Variants in DOCK8 observed in about 807,000 individuals in gnomAD.
The protein encoded by DOCK8 is dedicator of cytokinesis protein 8.
A neutral mutation model predicts 245.6 loss-of-function variants in DOCK8; 141 were observed. The observed-to-expected ratio is 0.57, with a 90% CI of 0.50 to 0.66. The LOEUF (loss-of-function observed/expected upper bound fraction) is 0.66. Ranked by LOEUF, DOCK8 falls within the 30% of genes least tolerant of loss-of-function variation. DOCK8 has a pLI of 0.00. For missense variants in DOCK8, 2,965 were observed against 2,603.4 expected, an observed-to-expected ratio of 1.14 and a Z score of -3.02; for synonymous variants, 1,168 against 970.2, an observed-to-expected ratio of 1.20 and a Z score of -3.79.
At chr9:445,176 C>G (rs1284673031) in intron 43 of DOCK8, among the ~76,000 whole-genome samples, 4 of 152,184 alleles carry the variant, frequency 2.6e-5, no homozygotes, top group Admixed American at 6.5e-5. Context: ...TGGCCGTGTG[C>G]CCACAGTGAT....
chr9:333,369 A>G (rs2051124221), intron 10 of DOCK8, among the ~76,000 whole-genome samples: 1 of 152,242 alleles, frequency 6.6e-6, no homozygotes. Context: ...TGGGAGGCCA[A>G]GGCGGGCAGA....
chr9:347,338 TACA>T (rs527615164), intron 14 of DOCK8, among the ~76,000 whole-genome samples: 2 of 151,928 alleles, frequency 1.3e-5, no homozygotes, highest in South Asian at 2.1e-4. Context: ...ACCCTGTCTC[TACA>T]ACAACAACAA....
At chr9:451,940 T>TGC in intron 45 of DOCK8, 71 bp from the exon 46 acceptor site, 5 of 326,606 alleles carry the variant, frequency 1.5e-5, no homozygotes, top group Non-Finnish European at 2.6e-5. Context: ...TGTGTATATA[T>TGC]ATATGTGTGT....
chr9:219,120 A>G (rs926806835), intron 1 of DOCK8, among the ~76,000 whole-genome samples: 8 of 152,210 alleles, frequency 5.3e-5, no homozygotes, highest in African/African-American at 1.9e-4. Flanking sequence ...ATTATTTACT[A>G]TGTGCTACAT....
At chr9:279,190 C>G (rs1007855411) in intron 2 of DOCK8, among the ~76,000 whole-genome samples, 1 of 152,094 alleles carries the variant, frequency 6.6e-6, no homozygotes, top group African/African-American at 2.4e-5. Context: ...TTGCCACTTG[C>G]AGAAGTGTGG....
intron 24 of DOCK8, among the ~76,000 whole-genome samples, chr9:396,235 G>T (rs2054448591): frequency 1.3e-5 from 2 of 152,126 alleles, no homozygotes; most frequent in South Asian, 4.1e-4. Flanking sequence ...AAATTTATAG[G>T]AGCAGAAGAT....
chr9:220,950 A>C (rs144786178), intron 1 of DOCK8: 2 of 204,088 alleles, frequency 9.8e-6, no homozygotes, highest in Non-Finnish European at 2.1e-5. Context: ...AGTCTTACCC[A>C]GTCAGCAGCA....
intron 1 of DOCK8, among the ~76,000 whole-genome samples, chr9:227,785 G>A (rs922148088): frequency 9.9e-5 from 15 of 152,136 alleles, no homozygotes; most frequent in Admixed American, 6.5e-5. Context: ...TGAATGGAAA[G>A]TATAAGGGGA....
At position 357,425 on chromosome 9, in the gene DOCK8, G is replaced by T. The variant is rs141185352; in HGVS notation, c.1680-10593G>T. Among the ~76,000 whole-genome samples the T allele has an allele frequency of 7.8e-4, 119 of 152,270 alleles. 1 individual carries two copies. Among genetic ancestry groups the T allele is most frequent in the African/African-American group, 2.7e-3 (114 of 41,558 alleles). ...AATCTTTAAAAGTGGTACCATAAGAGACATTAAGACTGGCTATTGTTTTAT... is the reference window on the plus strand; with the variant it reads ...AATCTTTAAAAGTGGTACCATAAGATACATTAAGACTGGCTATTGTTTTAT... On this transcript the variant is annotated intron_variant, in intron 14 of 47. Coordinates refer to ENST00000432829, the MANE Select transcript of DOCK8 (RefSeq NM_203447.4).
intron 14 of DOCK8, among the ~76,000 whole-genome samples, chr9:346,111 G>A (rs566211626): frequency 2.6e-5 from 4 of 151,992 alleles, no homozygotes; most frequent in South Asian, 2.1e-4. Context: ...AGGACACTCT[G>A]AGAAATCACA....
chr9:337,320 G>C (rs949224961), intron 12 of DOCK8, among the ~76,000 whole-genome samples: 3 of 152,176 alleles, frequency 2.0e-5, no homozygotes, highest in Non-Finnish European at 2.9e-5. Context: ...GGTGACATGA[G>C]ACCTGTCAAG....
At chr9:441,708 G>C (rs1167384508) in intron 41 of DOCK8, among the ~76,000 whole-genome samples, 167 bp from the exon 42 acceptor site, 1 of 152,202 alleles carries the variant, frequency 6.6e-6, no homozygotes, top group African/African-American at 2.4e-5. Flanking sequence ...TGTTATTTCT[G>C]AAGTTTATTC....
chr9:217,257 A>C (rs1302382862), intron 1 of DOCK8, among the ~76,000 whole-genome samples: 1 of 152,214 alleles, frequency 6.6e-6, no homozygotes, highest in Non-Finnish European at 1.5e-5. Flanking sequence ...CACTGCTGTC[A>C]TTATCTCCAT....
chr9:336,561 T>A, intron 11 of DOCK8, 21 bp from the exon 12 acceptor site: 1 of 1,613,866 alleles, frequency 6.2e-7, no homozygotes, highest in Non-Finnish European at 8.5e-7. Flanking sequence ...TACTTTGGAG[T>A]GACAATTGTT....
chr9:409,236 G>C (rs1367090353), intron 28 of DOCK8, among the ~76,000 whole-genome samples: 2 of 152,104 alleles, frequency 1.3e-5, no homozygotes, highest in Non-Finnish European at 2.9e-5. Context: ...GTTTCCACTG[G>C]GTTTCCCTTG....
intron 5 of DOCK8, 146 bp from the exon 6 acceptor site, chr9:311,808 C>A: frequency 1.0e-6 from 1 of 988,236 alleles, no homozygotes; most frequent in Admixed American, 1.7e-5. Context: ...TCATTCTTAT[C>A]AAATCCGCAG....
chr9:437,251 C>T (rs1462116075), intron 39 of DOCK8, among the ~76,000 whole-genome samples: 1 of 152,232 alleles, frequency 6.6e-6, no homozygotes, highest in Non-Finnish European at 1.5e-5. Flanking sequence ...CAGCAGAGCT[C>T]ACTGTCATCA....
chr9:400,196 CCAT>C (rs1451284453), intron 26 of DOCK8, among the ~76,000 whole-genome samples: 14 of 121,416 alleles, frequency 1.2e-4, no homozygotes, highest in South Asian at 5.7e-4. Context: ...TTCACCATCA[CCAT>C]CACCACCACC....
intron 7 of DOCK8, among the ~76,000 whole-genome samples, chr9:318,220 C>G (rs1306303784): frequency 6.6e-6 from 1 of 152,194 alleles, no homozygotes; most frequent in Non-Finnish European, 1.5e-5. Context: ...CAGATGAAAA[C>G]TTTAAAGTTG....
Sources: allele counts gnomAD v4.1 joint callset (sites outside exome capture counted in the v4.1 genomes callset), GRCh38; gene constraint gnomAD v4.1.1; transcripts MANE v1.5; gene names NCBI Gene and HGNC (gene_info 2026-07-23, HGNC 2026-07-21).